Variants in ADAMTS12 observed in about 807,000 individuals in gnomAD.
ADAMTS12 encodes the protein ADAM metallopeptidase with thrombospondin type 1 motif 12, also known as A disintegrin and metalloproteinase with thrombospondin motifs 12.
A neutral mutation model predicts 167.8 loss-of-function variants in ADAMTS12; 118 were observed. The ratio of observed to expected loss-of-function variants is 0.70; its 90% CI spans 0.61 to 0.82. The LOEUF (loss-of-function observed/expected upper bound fraction) is 0.82, where lower values mean the gene tolerates loss of function less well. Ranked by LOEUF, ADAMTS12 falls within the 40% of genes least tolerant of loss-of-function variation. The probability of loss-of-function intolerance (pLI) is 0.00; values close to 1 mark genes in which losing one functional copy is unlikely to be tolerated. For synonymous variants in ADAMTS12, 704 were observed against 716.9 expected (o/e 0.98, Z 0.29); for missense variants, 1,916 against 1,998.8 (o/e 0.96, Z 0.79).
intron 2 of ADAMTS12, among the ~76,000 whole-genome samples, chr5:33,781,035 C>T (rs528599972): frequency 3.3e-5 from 5 of 152,004 alleles, no homozygotes; most frequent in Admixed American, 6.6e-5. Context: ...GTTGAAACAA[C>T]GCATTAGGAA....
intron 18 of ADAMTS12, among the ~76,000 whole-genome samples, chr5:33,584,661 T>C (rs1324266976): frequency 6.6e-5 from 10 of 152,246 alleles, no homozygotes; most frequent in Admixed American, 6.5e-4. Flanking sequence ...ATGAATTATC[T>C]TATTCAATTC....
intron 5 of ADAMTS12, among the ~76,000 whole-genome samples, chr5:33,674,921 G>A (rs1406527275): frequency 6.6e-6 from 1 of 152,162 alleles, no homozygotes; most frequent in East Asian, 1.9e-4. Context: ...ACCTTTAAGA[G>A]GTGATTAAGA....
chr5:33,865,757 A>G (rs139679432), intron 2 of ADAMTS12, among the ~76,000 whole-genome samples: 1 of 152,326 alleles, frequency 6.6e-6, no homozygotes, highest in East Asian at 1.9e-4. Flanking sequence ...AAACAAATTC[A>G]GTAAAGTATC....
chr5:33,860,592 A>G (rs1426821136), intron 2 of ADAMTS12, among the ~76,000 whole-genome samples: 1 of 152,242 alleles, frequency 6.6e-6, no homozygotes, highest in African/African-American at 2.4e-5. Flanking sequence ...AACACACTTC[A>G]GGATACTATC....
At chr5:33,642,539 C>A (rs1740502025) in intron 10 of ADAMTS12, among the ~76,000 whole-genome samples, 1 of 152,148 alleles carries the variant, frequency 6.6e-6, no homozygotes, top group Non-Finnish European at 1.5e-5. Context: ...TTTAACTCTA[C>A]CCATTGTTTG....
At chr5:33,550,122 C>T (rs895579418) in intron 20 of ADAMTS12, among the ~76,000 whole-genome samples, 1 of 152,190 alleles carries the variant, frequency 6.6e-6, no homozygotes, top group African/African-American at 2.4e-5. Context: ...ACCCCTTGTG[C>T]AGCAGCCCAG....
chr5:33,701,608 A>T (rs1350384648), intron 3 of ADAMTS12, among the ~76,000 whole-genome samples: 1 of 152,212 alleles, frequency 6.6e-6, no homozygotes, highest in African/African-American at 2.4e-5. Flanking sequence ...AAATGGTCAA[A>T]ATATAAAATA....
intron 2 of ADAMTS12, among the ~76,000 whole-genome samples, chr5:33,766,071 G>C (rs1483891225): frequency 2.6e-5 from 4 of 152,128 alleles, no homozygotes; most frequent in Admixed American, 2.6e-4. Flanking sequence ...CTGTACAGAA[G>C]ATTTCCAAAT....
At chr5:33,665,935 C>T (rs571520499) in intron 5 of ADAMTS12, among the ~76,000 whole-genome samples, 29 of 152,300 alleles carry the variant, frequency 1.9e-4, no homozygotes, top group Middle Eastern at 3.4e-3. Context: ...CAGGAAATAT[C>T]GTCTCCATAG....
chr5:33,872,431 C>G (rs1750073967), intron 2 of ADAMTS12, among the ~76,000 whole-genome samples: 1 of 151,914 alleles, frequency 6.6e-6, no homozygotes, highest in African/African-American at 2.4e-5. Context: ...CCTGTAGTCC[C>G]AGCTACTGGG....
chr5:33,877,886 T>G (rs1185726127), intron 2 of ADAMTS12, among the ~76,000 whole-genome samples: 2 of 152,136 alleles, frequency 1.3e-5, no homozygotes, highest in African/African-American at 4.8e-5. Context: ...CTCATTCAGA[T>G]GACCACATCT....
chr5:33,651,608 A>G (rs1005111386), intron 7 of ADAMTS12, among the ~76,000 whole-genome samples: 2 of 152,208 alleles, frequency 1.3e-5, no homozygotes, highest in Non-Finnish European at 2.9e-5. Flanking sequence ...TACAACTAAA[A>G]AAGAAGTACC....
At chr5:33,625,190 C>A (rs1053556811) in intron 13 of ADAMTS12, among the ~76,000 whole-genome samples, 1 of 151,994 alleles carries the variant, frequency 6.6e-6, no homozygotes, top group Admixed American at 6.6e-5. Flanking sequence ...GAATGAATAC[C>A]CACTAACAGA....
At chr5:33,648,239 CT>C (rs1487142053) in intron 9 of ADAMTS12, among the ~76,000 whole-genome samples, 2 of 152,084 alleles carry the variant, frequency 1.3e-5, no homozygotes, top group African/African-American at 4.8e-5. Context: ...TAAAAAATAA[CT>C]TGAGCAACAA....
intron 3 of ADAMTS12, among the ~76,000 whole-genome samples, chr5:33,738,253 C>T (rs2112365558): frequency 6.6e-6 from 1 of 152,250 alleles, no homozygotes; most frequent in Non-Finnish European, 1.5e-5. Flanking sequence ...CTTCTCCAAA[C>T]CAGGAGCGAG....
chr5:33,570,364 C>T (rs1160411433), intron 19 of ADAMTS12, among the ~76,000 whole-genome samples: 4 of 152,254 alleles, frequency 2.6e-5, no homozygotes, highest in East Asian at 1.9e-4. Flanking sequence ...GGGTTACCCA[C>T]AAAGGGAAGC....
intron 2 of ADAMTS12, among the ~76,000 whole-genome samples, chr5:33,804,743 G>A (rs138583757): frequency 5.3e-5 from 8 of 152,296 alleles, no homozygotes; most frequent in Non-Finnish European, 8.8e-5. Context: ...GGTGGGTGAA[G>A]GGTGGCATCA....
chr5:33,755,485 CT>C (rs1433619860), intron 2 of ADAMTS12, among the ~76,000 whole-genome samples: 1 of 152,216 alleles, frequency 6.6e-6, no homozygotes. Flanking sequence ...CTCCCCTCAA[CT>C]TGCATCAACA....
intron 19 of ADAMTS12, among the ~76,000 whole-genome samples, 186 bp downstream of exon 19, chr5:33,575,868 T>C (rs552814898): frequency 6.6e-6 from 1 of 152,158 alleles, no homozygotes; most frequent in African/African-American, 2.4e-5. Context: ...ATAATTTACA[T>C]AATTTTTTTT....
Sources: gnomAD v4.1 joint callset for allele counts (sites outside exome capture counted in the v4.1 genomes callset) on GRCh38, gnomAD v4.1.1 for gene constraint, MANE v1.5 for transcripts, NCBI Gene and HGNC (gene_info 2026-07-23, HGNC 2026-07-21) for gene names.